RPRD1B: variants seen among roughly 807,000 people sequenced by gnomAD.
The protein encoded by RPRD1B is regulation of nuclear pre-mRNA domain-containing protein 1B.
A neutral mutation model predicts 41.5 loss-of-function variants in RPRD1B; 11 were observed. The ratio of observed to expected loss-of-function variants is 0.27; its 90% confidence interval spans 0.17 to 0.44. The LOEUF (loss-of-function observed/expected upper bound fraction) is 0.44, where lower values mean the gene tolerates loss of function less well. RPRD1B is among the 20% of genes least tolerant of loss of function. RPRD1B has a pLI of 1.00. For missense variants in RPRD1B, 248 were observed against 389.9 expected, an observed-to-expected ratio of 0.64 and a Z score of 3.06; for synonymous variants, 158 against 155.6, an observed-to-expected ratio of 1.02 and a Z score of -0.12.
intron 6 of RPRD1B, among the ~76,000 whole-genome samples, chr20:38,071,299 C>G (rs1393259228): frequency 1.3e-5 from 2 of 152,334 alleles, no homozygotes; most frequent in South Asian, 2.1e-4. Flanking sequence ...GTATCAAGTT[C>G]CAAAACATAA....
intron 6 of RPRD1B, among the ~76,000 whole-genome samples, chr20:38,076,498 AATC>A (rs2074460586): frequency 6.6e-6 from 1 of 152,194 alleles, no homozygotes; most frequent in Admixed American, 6.5e-5. Flanking sequence ...GTTTAAAAGA[AATC>A]ATCACATTCA....
rs182083470 is a variant in RPRD1B, at chr20:38,044,640, C to T, written c.282-3708C>T. On this transcript the variant is annotated intron_variant, in intron 2 of 6. Transcript: ENST00000373433. ...CTGCCCGCCTTGGCCTCTCAAAGTGCTGGGATTACAGGCGTCAGCCACCGC... is the reference window on the plus strand; with the variant it reads ...CTGCCCGCCTTGGCCTCTCAAAGTGTTGGGATTACAGGCGTCAGCCACCGC... Among the ~76,000 whole-genome samples, 573 of 152,258 alleles carry T rather than the reference C, an allele frequency of 3.8e-3. 1 individual carries two copies. Among genetic ancestry groups the T allele is most frequent in the African/African-American group, 0.013 (558 of 41,534 alleles).
intron 5 of RPRD1B, among the ~76,000 whole-genome samples, chr20:38,061,549 G>A (rs925567263): frequency 2.0e-5 from 3 of 152,072 alleles, no homozygotes; most frequent in African/African-American, 7.2e-5. Context: ...CTCTTTACTG[G>A]ATCATTCTCA....
chr20:38,042,444 C>T (rs1214139560), intron 2 of RPRD1B, among the ~76,000 whole-genome samples: 5 of 152,128 alleles, frequency 3.3e-5, no homozygotes, highest in Admixed American at 3.3e-4. Flanking sequence ...GTGGGCAACA[C>T]CAGGGTTAAA....
At chr20:38,065,101 G>T (rs1568655170) in intron 5 of RPRD1B, among the ~76,000 whole-genome samples, 1 of 152,116 alleles carries the variant, frequency 6.6e-6, no homozygotes, top group Non-Finnish European at 1.5e-5. Context: ...TCTGCTGTGG[G>T]TCATGTTCAG....
At chr20:38,056,593 C>T (rs2074243829) in intron 3 of RPRD1B, among the ~76,000 whole-genome samples, 2 of 151,982 alleles carry the variant, frequency 1.3e-5, no homozygotes, top group Non-Finnish European at 2.9e-5. Context: ...GAGAGGGTAC[C>T]TGTGTGGTGC....
At chr20:38,046,857 T>C (rs2074126407) in intron 2 of RPRD1B, among the ~76,000 whole-genome samples, 1 of 152,290 alleles carries the variant, frequency 6.6e-6, no homozygotes, top group African/African-American at 2.4e-5. Context: ...GGACTTTTAT[T>C]CTGAGGGATA....
intron 3 of RPRD1B, among the ~76,000 whole-genome samples, chr20:38,052,218 G>A (rs865963443): frequency 2.6e-4 from 39 of 152,204 alleles, no homozygotes; most frequent in African/African-American, 9.2e-4. Flanking sequence ...GCAATGATAC[G>A]AGTTTTGTTT....
chr20:38,057,762 CAG>C (rs1288735845), intron 4 of RPRD1B, 118 bp downstream of exon 4: 6 of 679,884 alleles, frequency 8.8e-6, no homozygotes, highest in Non-Finnish European at 1.5e-5. Flanking sequence ...GGGCACCTCT[CAG>C]GGGCCCCGTG....
rs144108737 is a variant in RPRD1B at position 38,056,455 on chromosome 20, G to T, written c.416-1077G>T. Among the ~76,000 whole-genome samples, 317 of 152,286 alleles carry T rather than the reference G, an allele frequency of 2.1e-3. 1 individual carries two copies. The highest frequency in any genetic ancestry group is 7.0e-3 in the African/African-American group (290 of 41,554). On this transcript the variant is annotated intron_variant, in intron 3 of 6. Coordinates refer to ENST00000373433, the MANE Select transcript of RPRD1B (RefSeq NM_021215.4). ...GGCTTTCACTTCAAACGTGAGTTTG[G>T]TCAGTTAGTATATGATGTATATAAT... is the stretch of plus-strand genomic sequence containing the variant.
chr20:38,087,048 G>T (rs6022919), intron 6 of RPRD1B, among the ~76,000 whole-genome samples: 1 of 151,244 alleles, frequency 6.6e-6, no homozygotes, highest in Non-Finnish European at 1.5e-5. Flanking sequence ...CCTCTGCCCC[G>T]CCGGGTTCAA....
At position 38,033,890 on chromosome 20, in the gene RPRD1B, T is replaced by C. The variant is rs2122677757; in HGVS notation, c.-58T>C. ...TGAGGCCCCGGCCTCGTGCCGTCGCTCTTCCCGCCGCACTGGGCGGCCCAG... is the reference window on the plus strand; with the variant it reads ...TGAGGCCCCGGCCTCGTGCCGTCGCCCTTCCCGCCGCACTGGGCGGCCCAG... On this transcript the variant is annotated 5_prime_UTR_variant, in exon 1 of 7. Transcript: ENST00000373433. The C allele has an allele frequency of 1.3e-6, 2 of 1,514,094 alleles. No homozygotes were observed. The highest frequency in any genetic ancestry group is 2.4e-5 in the East Asian group (1 of 42,186). 93.8% of individuals were successfully genotyped at this position (1,514,094 alleles called of 1,614,324 possible). A position where few individuals can be genotyped will look rare whatever the true frequency, so the allele number is the denominator to read the frequency against.
At chr20:38,077,932 T>G (rs901095443) in intron 6 of RPRD1B, among the ~76,000 whole-genome samples, 3 of 152,066 alleles carry the variant, frequency 2.0e-5, no homozygotes, top group Non-Finnish European at 2.9e-5. Context: ...TCCCAGCACT[T>G]TGGGAGGCTG....
At chr20:38,057,761 T>G (rs757051075) in intron 4 of RPRD1B, 117 bp downstream of exon 4, 1 of 688,468 alleles carries the variant, frequency 1.5e-6, no homozygotes, top group Non-Finnish European at 2.5e-6. Flanking sequence ...AGGGCACCTC[T>G]CAGGGGCCCC....
intron 6 of RPRD1B, 75 bp downstream of exon 6, chr20:38,066,331 G>C (rs2074355843): frequency 7.6e-7 from 1 of 1,324,144 alleles, no homozygotes; most frequent in African/African-American, 1.5e-5. Context: ...TTTTTATTAT[G>C]CTTTAATTAA....
intron 5 of RPRD1B, among the ~76,000 whole-genome samples, chr20:38,063,119 T>G (rs143733384): frequency 6.6e-6 from 1 of 152,138 alleles, no homozygotes; most frequent in African/African-American, 2.4e-5. Flanking sequence ...GCCTTTGTAC[T>G]TGCTGTCCCC....
Position 38,070,407 on chromosome 20 carries a change from G to A in RPRD1B, c.831+4151G>A, listed in dbSNP as rs965208853. 6.1e-6 allele frequency: 6 copies of A among 985,258 alleles called. No homozygotes were observed. In the South Asian group the frequency reaches 2.8e-4, roughly 46 times the overall value. 61.0% of individuals were successfully genotyped at this position (985,258 alleles called of 1,614,324 possible). On this transcript the variant is annotated intron_variant, in intron 6 of 6. Coordinates refer to ENST00000373433, the MANE Select transcript of RPRD1B (RefSeq NM_021215.4). Reference sequence around the variant, plus strand: ...AAAGAGGAGGTTAGAGAATGTGGAGGGTATAGAAGAAAGCCCATTCAGAAA... The same window carrying A: ...AAAGAGGAGGTTAGAGAATGTGGAGAGTATAGAAGAAAGCCCATTCAGAAA...
intron 1 of RPRD1B, 40 bp downstream of exon 1, chr20:38,034,138 T>C: frequency 6.3e-7 from 1 of 1,593,508 alleles, no homozygotes; most frequent in Non-Finnish European, 8.6e-7. Flanking sequence ...GTCCCCGGAT[T>C]GTCCTCTCGC....
At chr20:38,076,052 G>T (rs1009549583) in intron 6 of RPRD1B, among the ~76,000 whole-genome samples, 1 of 152,150 alleles carries the variant, frequency 6.6e-6, no homozygotes, top group Non-Finnish European at 1.5e-5. Context: ...ATTGGGGTTT[G>T]GACAGTAATT....
Sources: gnomAD v4.1 joint callset for allele counts (sites outside exome capture counted in the v4.1 genomes callset) on GRCh38, gnomAD v4.1.1 for gene constraint, MANE v1.5 for transcripts, NCBI Gene and HGNC (gene_info 2026-07-23, HGNC 2026-07-21) for gene names.